Variants in LSS observed in about 807,000 individuals in gnomAD.
The protein encoded by LSS is lanosterol synthase, also known as 2,3-epoxysqualene-lanosterol cyclase.
Under a neutral mutation model 110.3 loss-of-function variants are expected in LSS, and 90 were observed. That is an observed-to-expected ratio of 0.82 (90% CI 0.69 to 0.97). The LOEUF (loss-of-function observed/expected upper bound fraction) is 0.97, where lower values mean the gene tolerates loss of function less well. Among genes scored for constraint, LSS ranks in the 50% least tolerant of loss-of-function variants. LSS has a pLI of 0.00. For synonymous variants in LSS, 433 were observed against 400.0 expected (o/e 1.08, Z -0.98); for missense variants, 927 against 990.0 (o/e 0.94, Z 0.85).
rs975780286 is a variant in LSS, at chr21:46,195,824, A to G, written c.1737-68T>C. ...ACAGCCGGTGTGTGAAACAACACGC[A>G]TTCTGCAACAATCACACGTGCCCCA... is the stretch of plus-strand genomic sequence containing the variant. On this transcript the variant is annotated intron_variant, in intron 18 of 21. Transcript: ENST00000397728. 33 of 1,310,458 alleles carry G rather than the reference A, an allele frequency of 2.5e-5. 1 individual carries two copies. The Admixed American group carries it at 5.6e-4, about 22-fold the overall frequency. The allele number at this position is 1,310,458 out of a possible 1,614,324, so 81.2% of individuals were successfully genotyped here.
intron 6 of LSS, among the ~76,000 whole-genome samples, chr21:46,217,855 G>C (rs541966205): frequency 2.5e-4 from 38 of 152,278 alleles, no homozygotes; most frequent in Middle Eastern, 3.4e-3. Context: ...GCGGGCATTT[G>C]AATGGCCCCA....
At chr21:46,217,031 G>A (rs2080215702) in intron 6 of LSS, among the ~76,000 whole-genome samples, 1 of 152,054 alleles carries the variant, frequency 6.6e-6, no homozygotes, top group Non-Finnish European at 1.5e-5. Context: ...TGGATCACTT[G>A]AGGTCAGGAG....
In LSS at chr21:46,228,556, T is replaced by C. The variant is rs967540331; in HGVS notation, c.58A>G (p.Thr20Ala). Residue 20 changes from threonine to alanine, a missense_variant, in exon 2 of 22, where the codon ACC becomes GCC. Physicochemically the swap from Thr to Ala is moderately conservative, Grantham distance 58 (BLOSUM62 0). Coordinates refer to ENST00000397728, the MANE Select transcript of LSS (RefSeq NM_002340.6). Reference protein sequence around the residue: ...RGGPYKTEPATDLGRWRLNCE... With the variant: ...RGGPYKTEPAADLGRWRLNCE... The stretch of plus-strand genomic sequence containing the variant: ...TTGAGTCGCCAGCGGCCGAGGTCGG[T>C]GGCGGGCTCGGTCTTGTAGGGGCCC... 5 of 1,596,022 alleles carry C rather than the reference T, an allele frequency of 3.1e-6. No individual in the cohort carries two copies. The highest frequency in any genetic ancestry group is 1.3e-5 in the African/African-American group (1 of 74,694).
At chr21:46,196,069 G>A (rs1169337925) in intron 18 of LSS, 133 bp downstream of exon 18, 3 of 892,886 alleles carry the variant, frequency 3.4e-6, no homozygotes, top group East Asian at 2.6e-5. Flanking sequence ...CAGAAGTCAC[G>A]GGCTGGCAGC....
chr21:46,191,082 C>T lies in LSS; in HGVS notation c.*22G>A, dbSNP rs769145013. On this transcript the variant is annotated 3_prime_UTR_variant, in exon 22 of 22. Transcript: ENST00000397728. ...TGGCCTCACTGGAACGCACAGACGG[C>T]ACCCAGCAGGTAGGCATGTTCTCAG... is the stretch of plus-strand genomic sequence containing the variant. The T allele has an allele frequency of 4.3e-6, 7 of 1,613,690 alleles. No individual in the cohort carries two copies. The South Asian group carries it at 7.7e-5, about 18-fold the overall frequency.
chr21:46,208,589 C>T (rs911989866), intron 13 of LSS, among the ~76,000 whole-genome samples: 2 of 152,328 alleles, frequency 1.3e-5, no homozygotes, highest in South Asian at 2.1e-4. Flanking sequence ...TCCCCACCGG[C>T]CAGAAGGCAG....
chr21:46,220,285 A>T (rs2080258582), intron 5 of LSS: 1 of 152,318 alleles, frequency 6.6e-6, no homozygotes, highest in Admixed American at 6.5e-5. Context: ...ACCGGACAGC[A>T]GCCTTGGGGA....
At chr21:46,198,527 A>C (rs959097203) in intron 17 of LSS, among the ~76,000 whole-genome samples, 39 of 152,194 alleles carry the variant, frequency 2.6e-4, no homozygotes, top group Non-Finnish European at 1.2e-4. Context: ...CTATTGACAA[A>C]CTGACTCTAA....
At chr21:46,226,304 A>G (rs2080339278) in intron 3 of LSS, among the ~76,000 whole-genome samples, 1 of 152,170 alleles carries the variant, frequency 6.6e-6, no homozygotes, top group African/African-American at 2.4e-5. Context: ...ACCTGATTCC[A>G]ATCCTGTCAC....
intron 20 of LSS, chr21:46,192,519 T>C (rs953804261): frequency 4.4e-6 from 2 of 454,838 alleles, no homozygotes; most frequent in African/African-American, 4.0e-5. Context: ...TGCATCTGTA[T>C]GTATGTGTGC....
At chr21:46,203,668 G>T (rs574436957) in intron 17 of LSS, among the ~76,000 whole-genome samples, 1 of 152,218 alleles carries the variant, frequency 6.6e-6, no homozygotes, top group Non-Finnish European at 1.5e-5. Flanking sequence ...CGAGGGCCAC[G>T]CCAGGCCGAC....
chr21:46,221,665 A>T, intron 5 of LSS, 189 bp downstream of exon 5: 1 of 749,498 alleles, frequency 1.3e-6, no homozygotes, highest in Non-Finnish European at 2.1e-6. Context: ...CCTGGCTCTT[A>T]ATTTGCTTTT....
At chr21:46,192,166 C>T (rs754093878) in intron 20 of LSS, 34 of 613,662 alleles carry the variant, frequency 5.5e-5, no homozygotes, top group Non-Finnish European at 8.8e-5. Context: ...AGAAGCGGAG[C>T]CACAGCAATG....
At chr21:46,218,640 AAC>A in intron 6 of LSS, among the ~76,000 whole-genome samples, 1 of 152,196 alleles carries the variant, frequency 6.6e-6, no homozygotes, top group Non-Finnish European at 1.5e-5. Flanking sequence ...AAACAAAAAA[AAC>A]ACACACCAGA....
intron 20 of LSS, 156 bp from the exon 21 acceptor site, chr21:46,192,115 G>A: frequency 1.5e-6 from 1 of 656,030 alleles, no homozygotes; most frequent in South Asian, 1.7e-5. Flanking sequence ...GGTGCAGCCA[G>A]CGCCTCGGGC....
chr21:46,198,967 T>C (rs2079945730), intron 17 of LSS, among the ~76,000 whole-genome samples: 1 of 151,520 alleles, frequency 6.6e-6, no homozygotes, highest in Non-Finnish European at 1.5e-5. Context: ...AAAATCTAGG[T>C]ACCCTTGGGC....
intron 11 of LSS, among the ~76,000 whole-genome samples, chr21:46,211,357 C>T (rs1406481979): frequency 6.6e-6 from 1 of 152,188 alleles, no homozygotes; most frequent in Admixed American, 6.5e-5. Flanking sequence ...TCTCTATCTC[C>T]TGACCTTGTG....
chr21:46,226,853 T>C (rs796072964), intron 3 of LSS, among the ~76,000 whole-genome samples: 31 of 151,446 alleles, frequency 2.0e-4, no homozygotes, highest in African/African-American at 7.4e-4. Flanking sequence ...GGACTTTCTA[T>C]CTATTACAAA....
At chr21:46,206,566 G>A in intron 16 of LSS, 106 bp downstream of exon 16, 1 of 915,386 alleles carries the variant, frequency 1.1e-6, no homozygotes, top group South Asian at 1.4e-5. Flanking sequence ...GGTGAACCTG[G>A]GCCCTTGCAG....
Sources: allele counts gnomAD v4.1 joint callset (sites outside exome capture counted in the v4.1 genomes callset), GRCh38; gene constraint gnomAD v4.1.1; transcripts MANE v1.5; gene names NCBI Gene and HGNC (gene_info 2026-07-23, HGNC 2026-07-21).